The following EHBP1 variants were observed in gnomAD, a reference collection of about 807,000 sequenced individuals.
The protein encoded by EHBP1 is EH domain binding protein 1.
Under a neutral mutation model 144.0 loss-of-function variants are expected in EHBP1, and 55 were observed. The ratio of observed to expected loss-of-function variants is 0.38; its 90% confidence interval spans 0.31 to 0.48. The LOEUF is 0.48. Ranked by LOEUF, EHBP1 falls within the 20% of genes least tolerant of loss-of-function variation. EHBP1 has a pLI of 0.98. For synonymous variants in EHBP1, 469 were observed against 472.7 expected (o/e 0.99, Z 0.10); for missense variants, 1,200 against 1,364.2 (o/e 0.88, Z 1.90).
At chr2:62,738,354 A>T (rs2038356699) in intron 2 of EHBP1, among the ~76,000 whole-genome samples, 1 of 152,108 alleles carries the variant, frequency 6.6e-6, no homozygotes. Flanking sequence ...TCACATTAAC[A>T]TTTTTTAAAA....
chr2:62,867,864 G>C (rs760592476), intron 9 of EHBP1, among the ~76,000 whole-genome samples: 6 of 152,206 alleles, frequency 3.9e-5, no homozygotes, highest in Non-Finnish European at 7.4e-5. Flanking sequence ...GACTGGAAGA[G>C]AGCCTGGAAT....
chr2:63,041,679 G>T (rs1330289351), intron 21 of EHBP1, among the ~76,000 whole-genome samples: 1 of 152,120 alleles, frequency 6.6e-6, no homozygotes, highest in Non-Finnish European at 1.5e-5. Context: ...GATTGATTAG[G>T]TACAGCGGTA....
chr2:62,861,172 C>G (rs1573765197), intron 8 of EHBP1, among the ~76,000 whole-genome samples: 1 of 145,248 alleles, frequency 6.9e-6, no homozygotes, highest in Non-Finnish European at 1.5e-5. Flanking sequence ...CCCTGTCGCC[C>G]AGGCTGGAGT....
At chr2:62,693,641 C>A (rs2033984556) in intron 1 of EHBP1, among the ~76,000 whole-genome samples, 1 of 152,196 alleles carries the variant, frequency 6.6e-6, no homozygotes, top group South Asian at 2.1e-4. Context: ...TCTAAATCTT[C>A]TGTTCTAGCT....
chr2:62,779,023 A>G (rs1483978401), intron 5 of EHBP1, among the ~76,000 whole-genome samples: 1 of 152,180 alleles, frequency 6.6e-6, no homozygotes, highest in Non-Finnish European at 1.5e-5. Flanking sequence ...TACATTTCCA[A>G]AGGTCTAAAG....
At chr2:62,901,522 A>ACCC (rs1196627762) in intron 10 of EHBP1, among the ~76,000 whole-genome samples, 1 of 152,168 alleles carries the variant, frequency 6.6e-6, no homozygotes, top group Non-Finnish European at 1.5e-5. Context: ...GGATAATTTA[A>ACCC]AAAGTTGGAG....
chr2:62,814,815 G>T (rs919157217), intron 5 of EHBP1, among the ~76,000 whole-genome samples: 1 of 152,126 alleles, frequency 6.6e-6, no homozygotes, highest in African/African-American at 2.4e-5. Context: ...GAAGACTTCA[G>T]GTCAAAGTGA....
rs6741258 is a variant in EHBP1, at chr2:63,039,651, A to G, written c.3277+835A>G. On this transcript the variant is annotated intron_variant, in intron 21 of 22. Transcript: ENST00000431489. ...CACCTGATAAGGTACCTGATCCATA[A>G]TAAGTCAATTCTAATTAGTTCAGAA... 8.4e-3 allele frequency among the ~76,000 whole-genome samples: 1,284 copies of G among 152,264 alleles called. 4 individuals carry two copies. Among genetic ancestry groups the G allele is most frequent in the Non-Finnish European group, 0.013 (858 of 67,986 alleles).
intron 9 of EHBP1, among the ~76,000 whole-genome samples, chr2:62,866,965 A>G (rs939778148): frequency 1.3e-5 from 2 of 152,196 alleles, no homozygotes; most frequent in African/African-American, 2.4e-5. Context: ...ATGAGGTGAT[A>G]TTCTTAAAGG....
At chr2:62,963,982 C>T (rs181611962) in intron 14 of EHBP1, among the ~76,000 whole-genome samples, 1 of 152,160 alleles carries the variant, frequency 6.6e-6, no homozygotes, top group Non-Finnish European at 1.5e-5. Context: ...AGAATGCTGG[C>T]GTACTTCTAT....
chr2:62,935,785 G>A (rs1165783699), intron 10 of EHBP1, among the ~76,000 whole-genome samples: 1 of 152,064 alleles, frequency 6.6e-6, no homozygotes, highest in East Asian at 1.9e-4. Context: ...ATTTGCTGGG[G>A]CCTTTTTAGC....
At chr2:62,755,788 T>C (rs1347449496) in intron 3 of EHBP1, among the ~76,000 whole-genome samples, 1 of 152,212 alleles carries the variant, frequency 6.6e-6, no homozygotes. Flanking sequence ...CTAAGTATAA[T>C]AGGTGAATAT....
At chr2:62,845,588 CT>C (rs1476640064) in intron 7 of EHBP1, among the ~76,000 whole-genome samples, 1 of 151,854 alleles carries the variant, frequency 6.6e-6, no homozygotes, top group Non-Finnish European at 1.5e-5. Context: ...ATATGGGACT[CT>C]GGTCAGAGAG....
intron 5 of EHBP1, among the ~76,000 whole-genome samples, chr2:62,820,737 AATATAT>A (rs57039974): frequency 0.1 from 5,489 of 54,538 alleles, 236 homozygotes; most frequent in South Asian, 0.15. Flanking sequence ...GTGTGTGTAT[AATATAT>A]ATATATATAT....
intron 19 of EHBP1, among the ~76,000 whole-genome samples, chr2:63,021,065 C>T (rs985636735): frequency 2.8e-5 from 4 of 144,446 alleles, no homozygotes; most frequent in Non-Finnish European, 6.0e-5. Context: ...TCGTGATCCT[C>T]CCACCTCAGC....
chr2:62,841,420 G>T (rs1161017432), intron 7 of EHBP1, among the ~76,000 whole-genome samples: 1 of 151,806 alleles, frequency 6.6e-6, no homozygotes, highest in African/African-American at 2.4e-5. Context: ...CAGTGCACCA[G>T]CATGGCACAT....
At chr2:62,951,520 CTT>C (rs869188893) in intron 13 of EHBP1, among the ~76,000 whole-genome samples, 9 of 83,300 alleles carry the variant, frequency 1.1e-4, no homozygotes, top group African/African-American at 1.8e-4. Context: ...ACAAATTTTT[CTT>C]TTTTTTTTTT....
At chr2:63,039,762 G>A (rs1162816812) in intron 21 of EHBP1, among the ~76,000 whole-genome samples, 1 of 152,134 alleles carries the variant, frequency 6.6e-6, no homozygotes, top group Admixed American at 6.5e-5. Context: ...CAAAGTGCAT[G>A]CTATTTGTCT....
At chr2:62,855,684 C>A (rs1445934003) in intron 7 of EHBP1, among the ~76,000 whole-genome samples, 1 of 152,180 alleles carries the variant, frequency 6.6e-6, no homozygotes, top group Non-Finnish European at 1.5e-5. Context: ...CAGAGAGAAG[C>A]AACCAATTCC....
Sources: allele counts gnomAD v4.1 joint callset (sites outside exome capture counted in the v4.1 genomes callset), GRCh38; gene constraint gnomAD v4.1.1; transcripts MANE v1.5; gene names NCBI Gene and HGNC (gene_info 2026-07-23, HGNC 2026-07-21).